The following RYR2 variants were observed in gnomAD, a reference collection of about 807,000 sequenced individuals.
RYR2 encodes cardiac muscle ryanodine receptor-calcium release channel.
Under a neutral mutation model 601.1 loss-of-function variants are expected in RYR2, and 227 were observed. The ratio of observed to expected loss-of-function variants is 0.38; its 90% CI spans 0.34 to 0.42. The LOEUF (loss-of-function observed/expected upper bound fraction) is 0.42. RYR2 is among the 10% of genes least tolerant of loss of function. The pLI is 1.00. For synonymous variants in RYR2, 2,223 were observed against 2,175.1 expected, an observed-to-expected ratio of 1.02 and a Z score of -0.61; for missense variants, 4,646 against 6,156.5, an observed-to-expected ratio of 0.75 and a Z score of 8.21.
intron 90 of RYR2, 155 bp downstream of exon 90, chr1:237,785,127 G>GT (rs1695443769): frequency 1.5e-6 from 1 of 654,704 alleles, no homozygotes; most frequent in Non-Finnish European, 2.7e-6. Context: ...CAAAGTTAGT[G>GT]TTTTTAAGAG....
chr1:237,348,794 GA>G, intron 3 of RYR2, among the ~76,000 whole-genome samples: 1 of 152,256 alleles, frequency 6.6e-6, no homozygotes, highest in East Asian at 1.9e-4. Context: ...ATCAGTCACA[GA>G]CCTTAAAACA....
chr1:237,604,329 A>G (rs936424001), intron 35 of RYR2, among the ~76,000 whole-genome samples: 1 of 152,224 alleles, frequency 6.6e-6, no homozygotes, highest in African/African-American at 2.4e-5. Context: ...ACTATGGGGT[A>G]CATAACAAAA....
chr1:237,550,085 A>AGGGT (rs1670230851), intron 26 of RYR2, among the ~76,000 whole-genome samples: 1 of 152,192 alleles, frequency 6.6e-6, no homozygotes, highest in Non-Finnish European at 1.5e-5. Context: ...GGGACATAGA[A>AGGGT]GGGTGGTCCA....
chr1:237,208,563 T>C (rs1156787375), intron 1 of RYR2, among the ~76,000 whole-genome samples: 1 of 152,192 alleles, frequency 6.6e-6, no homozygotes, highest in Non-Finnish European at 1.5e-5. Context: ...GTTTTATTTC[T>C]GCTTTATGGT....
At chr1:237,748,851 C>A (rs1043725944) in intron 80 of RYR2, among the ~76,000 whole-genome samples, 1 of 152,188 alleles carries the variant, frequency 6.6e-6, no homozygotes, top group Non-Finnish European at 1.5e-5. Flanking sequence ...CTGTAGCCAA[C>A]AAGTACAGAC....
At chr1:237,075,504 A>G (rs1664920681) in intron 1 of RYR2, among the ~76,000 whole-genome samples, 1 of 121,744 alleles carries the variant, frequency 8.2e-6, no homozygotes, top group African/African-American at 3.2e-5. Flanking sequence ...CGAGTCAAAG[A>G]AAGGGGTGAC....
At chr1:237,191,645 G>T (rs2149000101) in intron 1 of RYR2, among the ~76,000 whole-genome samples, 1 of 152,294 alleles carries the variant, frequency 6.6e-6, no homozygotes, top group Admixed American at 6.5e-5. Context: ...AAACCGTGCA[G>T]TGCAGTCTGT....
In RYR2 at chr1:237,819,629, G is replaced by T. The variant is rs745741571; in HGVS notation, c.14590+437G>T. ...GAGGTCAGGAGCTCGAGACCAGCCTGACCAACATGGTAAACCCCATCTCTA... is the reference window on the plus strand; with the variant it reads ...GAGGTCAGGAGCTCGAGACCAGCCTTACCAACATGGTAAACCCCATCTCTA... On this transcript the variant is annotated intron_variant, in intron 101 of 104. Transcript: ENST00000366574. This position sits in a 1 kb window ranked among gnomAD's most constrained non-coding sequence, Gnocchi z 4.0. 3.3e-5 allele frequency among the ~76,000 whole-genome samples: 5 copies of T among 150,196 alleles called. No individual in the cohort carries two copies. Among genetic ancestry groups the T allele is most frequent in the Non-Finnish European group, 5.9e-5 (4 of 67,998 alleles).
intron 6 of RYR2, among the ~76,000 whole-genome samples, chr1:237,370,326 C>T (rs369339688): frequency 1.3e-5 from 2 of 151,912 alleles, no homozygotes; most frequent in Non-Finnish European, 2.9e-5. Flanking sequence ...CCCTGTTGAC[C>T]AGAAGCCTTA....
At chr1:237,581,273 T>G (rs1315919121) in intron 29 of RYR2, among the ~76,000 whole-genome samples, 1 of 152,208 alleles carries the variant, frequency 6.6e-6, no homozygotes, top group Non-Finnish European at 1.5e-5. Flanking sequence ...TCAGCTATTC[T>G]GCAAGTAAAG....
chr1:237,356,594 A>C (rs905808823), intron 4 of RYR2, among the ~76,000 whole-genome samples: 7 of 152,056 alleles, frequency 4.6e-5, no homozygotes, highest in Non-Finnish European at 8.8e-5. Context: ...AAGGTGAATG[A>C]CCATGTAGAA....
At chr1:237,643,917 T>C (rs1394726601) in intron 48 of RYR2, among the ~76,000 whole-genome samples, 1 of 152,122 alleles carries the variant, frequency 6.6e-6, no homozygotes, top group Non-Finnish European at 1.5e-5. Flanking sequence ...TCCAGACTTT[T>C]TTCCATTGTT....
At chr1:237,717,922 G>A (rs1435848756) in intron 72 of RYR2, among the ~76,000 whole-genome samples, 1 of 152,130 alleles carries the variant, frequency 6.6e-6, no homozygotes, top group Non-Finnish European at 1.5e-5. Flanking sequence ...TATGTAAATT[G>A]GAGGACATAT....
At chr1:237,072,686 C>T (rs10925304) in intron 1 of RYR2, among the ~76,000 whole-genome samples, 37,107 of 152,100 alleles carry the variant, frequency 0.24, 5,519 homozygotes, top group East Asian at 0.46. Context: ...AAAATACTCG[C>T]CTGTAATCCC....
At chr1:237,456,157 G>A (rs941396122) in intron 15 of RYR2, among the ~76,000 whole-genome samples, 8 of 152,060 alleles carry the variant, frequency 5.3e-5, no homozygotes, top group Admixed American at 5.2e-4. Context: ...AACTCAGGCT[G>A]TATCTTACAA....
intron 1 of RYR2, among the ~76,000 whole-genome samples, chr1:237,122,809 G>A (rs1670954028): frequency 6.6e-6 from 1 of 152,082 alleles, no homozygotes; most frequent in African/African-American, 2.4e-5. Flanking sequence ...TTTTGTGATG[G>A]CAGACACACT....
At chr1:237,251,589 G>A (rs997764546) in intron 1 of RYR2, among the ~76,000 whole-genome samples, 4 of 152,168 alleles carry the variant, frequency 2.6e-5, no homozygotes, top group East Asian at 1.9e-4. Context: ...GTGCACCAGG[G>A]TTCACTTTTA....
chr1:237,344,519 G>C (rs1698124985), intron 3 of RYR2, among the ~76,000 whole-genome samples: 1 of 152,042 alleles, frequency 6.6e-6, no homozygotes, highest in Non-Finnish European at 1.5e-5. Context: ...CTAGAATTCT[G>C]AGCCTTTCAA....
intron 1 of RYR2, among the ~76,000 whole-genome samples, chr1:237,115,965 A>G (rs1670031700): frequency 6.6e-6 from 1 of 152,256 alleles, no homozygotes; most frequent in Admixed American, 6.5e-5. Flanking sequence ...TGAAATATGA[A>G]AGAATGTGTG....
Sources: gnomAD v4.1 joint callset for allele counts (sites outside exome capture counted in the v4.1 genomes callset) on GRCh38, gnomAD v4.1.1 for gene constraint, Gnocchi (gnomAD v3.1) non-coding constraint, MANE v1.5 for transcripts, NCBI Gene and HGNC (gene_info 2026-07-23, HGNC 2026-07-21) for gene names.